MAGI1: variants seen among roughly 807,000 people sequenced by gnomAD.
The protein encoded by MAGI1 is membrane associated guanylate kinase, WW and PDZ domain containing 1, also known as membrane-associated guanylate kinase, WW and PDZ domain-containing protein 1.
Under a neutral mutation model 139.9 loss-of-function variants are expected in MAGI1, and 58 were observed. The observed-to-expected ratio is 0.41, with a 90% CI of 0.34 to 0.52. The LOEUF (loss-of-function observed/expected upper bound fraction) is 0.52. MAGI1 is among the 20% of genes least tolerant of loss of function. The pLI, the probability that MAGI1 is intolerant of heterozygous loss-of-function variation, is 0.12. For synonymous variants in MAGI1, 812 were observed against 737.9 expected, an observed-to-expected ratio of 1.10 and a Z score of -1.63; for missense variants, 1,874 against 1,901.6, an observed-to-expected ratio of 0.99 and a Z score of 0.27.
At chr3:65,977,808 C>T (rs527307795) in intron 1 of MAGI1, among the ~76,000 whole-genome samples, 53 of 152,228 alleles carry the variant, frequency 3.5e-4, no homozygotes, top group African/African-American at 1.2e-3. Flanking sequence ...ACTTGAGCCA[C>T]ATTCATCTGC....
intron 17 of MAGI1, among the ~76,000 whole-genome samples, chr3:65,378,957 CAGGCGTGA>C: frequency 6.6e-6 from 1 of 152,324 alleles, no homozygotes; most frequent in East Asian, 1.9e-4. Flanking sequence ...GCTGGGATTA[CAGGCGTGA>C]GCAACAGCGC....
intron 1 of MAGI1, among the ~76,000 whole-genome samples, chr3:65,970,867 A>G (rs2107179835): frequency 6.6e-6 from 1 of 152,354 alleles, no homozygotes; most frequent in South Asian, 2.1e-4. Flanking sequence ...AGTGTGGCTA[A>G]GGATCAGCTG....
At chr3:65,777,835 C>G (rs1001445142) in intron 1 of MAGI1, among the ~76,000 whole-genome samples, 4 of 152,098 alleles carry the variant, frequency 2.6e-5, no homozygotes, top group African/African-American at 9.7e-5. Context: ...CCATTGCATA[C>G]GTTTTCTGTG....
At chr3:65,769,954 C>T (rs751760674) in intron 1 of MAGI1, among the ~76,000 whole-genome samples, 35 of 152,176 alleles carry the variant, frequency 2.3e-4, no homozygotes, top group Non-Finnish European at 4.1e-4. Flanking sequence ...CAGTATCCAA[C>T]AGGGCCCTTG....
chr3:65,883,210 A>G (rs2060404099), intron 1 of MAGI1, among the ~76,000 whole-genome samples: 1 of 152,198 alleles, frequency 6.6e-6, no homozygotes, highest in East Asian at 1.9e-4. Flanking sequence ...TGAGCCCAAA[A>G]TATTAGCAAA....
In MAGI1 at chr3:65,749,263, G is replaced by A. The variant is rs138124396; in HGVS notation, c.314-127175C>T. ...CATGATGCAATTCATAAGAGCTGTT[G>A]TTACTGTTACCATAGCTATCCTTAT... On this transcript the variant is annotated intron_variant, in intron 1 of 22. Coordinates refer to ENST00000402939, the MANE Select transcript of MAGI1 (RefSeq NM_001033057.2). Among the ~76,000 whole-genome samples, 620 of 152,254 alleles carry A rather than the reference G, an allele frequency of 4.1e-3. 8 individuals carry two copies. Among genetic ancestry groups the A allele is most frequent in the African/African-American group, 0.014 (585 of 41,542 alleles).
rs200952901 is a variant in MAGI1, at chr3:65,869,367, TTTGTTGTTGTTGTTGTTGTTG to T, written c.313+168608_313+168628del. Reference sequence around the variant, plus strand: ...CAGATCCCAAAGGCAAGACTGGTTTTTTGTTGTTGTTGTTGTTGTTGTTGTTGTTGTTGTTGTTGTTGTTGT... The same window carrying T: ...CAGATCCCAAAGGCAAGACTGGTTTTTTGTTGTTGTTGTTGTTGTTGTTGT... On this transcript the variant is annotated intron_variant, in intron 1 of 22. Coordinates refer to ENST00000402939, the MANE Select transcript of MAGI1 (RefSeq NM_001033057.2). 7.6e-5 allele frequency among the ~76,000 whole-genome samples: 9 copies of T among 118,938 alleles called. No individual in the cohort carries two copies. In the South Asian group the frequency reaches 7.8e-4, roughly 10 times the overall value. The allele number at this position is 118,938 out of a possible 152,430, so 78.0% of individuals were successfully genotyped here. A position where few individuals can be genotyped will look rare whatever the true frequency, so the allele number is the denominator to read the frequency against.
chr3:65,678,268 T>G (rs2087328052), intron 1 of MAGI1, among the ~76,000 whole-genome samples: 1 of 152,040 alleles, frequency 6.6e-6, no homozygotes, highest in South Asian at 2.1e-4. Flanking sequence ...TATGTATACC[T>G]ATGTAACAAA....
At chr3:65,602,581 CT>C (rs748538780) in intron 2 of MAGI1, among the ~76,000 whole-genome samples, 2 of 151,908 alleles carry the variant, frequency 1.3e-5, no homozygotes, top group African/African-American at 4.8e-5. Flanking sequence ...TATAGGGTTT[CT>C]TTCTCGGGGT....
chr3:65,623,864 A>G (rs975219936), intron 1 of MAGI1, among the ~76,000 whole-genome samples: 2 of 152,228 alleles, frequency 1.3e-5, no homozygotes, highest in African/African-American at 4.8e-5. Flanking sequence ...GGAAAAATAC[A>G]TATATTCAAA....
chr3:65,857,209 A>G (rs2059403258), intron 1 of MAGI1, among the ~76,000 whole-genome samples: 1 of 152,324 alleles, frequency 6.6e-6, no homozygotes, highest in East Asian at 1.9e-4. Context: ...TAATCTTTAC[A>G]AGGACTGGCA....
intron 2 of MAGI1, among the ~76,000 whole-genome samples, chr3:65,587,299 A>G (rs2081730154): frequency 6.6e-6 from 1 of 152,140 alleles, no homozygotes; most frequent in African/African-American, 2.4e-5. Context: ...ATTAGCCTAG[A>G]GCTGGGCAAA....
intron 5 of MAGI1, among the ~76,000 whole-genome samples, chr3:65,462,747 T>G (rs1209642578): frequency 6.6e-6 from 1 of 152,204 alleles, no homozygotes; most frequent in African/African-American, 2.4e-5. Flanking sequence ...TTCCTATCCA[T>G]GAGCATGGAA....
chr3:65,359,045 T>C (rs1422703233), intron 22 of MAGI1: 8 of 1,606,102 alleles, frequency 5.0e-6, no homozygotes, highest in Non-Finnish European at 6.8e-6. Context: ...AAACACCTAG[T>C]ATTGATTGAG....
intron 1 of MAGI1, among the ~76,000 whole-genome samples, chr3:65,747,480 T>TA (rs748627380): frequency 6.6e-6 from 1 of 151,758 alleles, no homozygotes; most frequent in Non-Finnish European, 1.5e-5. Flanking sequence ...AAATATTACT[T>TA]ATGTTAATAC....
intron 1 of MAGI1, among the ~76,000 whole-genome samples, chr3:65,933,729 A>G (rs2062912925): frequency 6.6e-6 from 1 of 152,204 alleles, no homozygotes; most frequent in South Asian, 2.1e-4. Context: ...TACACTAAAT[A>G]TAGTATTCGG....
chr3:65,597,931 G>C, intron 2 of MAGI1: 1 of 451,682 alleles, frequency 2.2e-6, no homozygotes, highest in Admixed American at 2.4e-5. Flanking sequence ...GGGGTGGGGG[G>C]GGGGTGGGAC....
intron 2 of MAGI1, among the ~76,000 whole-genome samples, chr3:65,590,199 T>C (rs1414431133): frequency 6.6e-6 from 1 of 152,164 alleles, no homozygotes; most frequent in Non-Finnish European, 1.5e-5. Flanking sequence ...CACCTTGACA[T>C]ACTTCTCTTA....
At chr3:65,971,869 T>TA (rs1422500426) in intron 1 of MAGI1, among the ~76,000 whole-genome samples, 1 of 152,176 alleles carries the variant, frequency 6.6e-6, no homozygotes, top group Non-Finnish European at 1.5e-5. Context: ...GCAAACTTCT[T>TA]ACGCTGCTTC....
Sources: allele counts gnomAD v4.1 joint callset (sites outside exome capture counted in the v4.1 genomes callset), GRCh38; gene constraint gnomAD v4.1.1; transcripts MANE v1.5; gene names NCBI Gene and HGNC (gene_info 2026-07-23, HGNC 2026-07-21).